Variants in DLX2 observed in about 807,000 individuals in gnomAD.
The protein encoded by DLX2 is homeobox protein DLX-2.
DLX2 carries 8 observed loss-of-function variants against 27.4 expected under a neutral mutation model. The observed-to-expected ratio is 0.29, with a 90% CI of 0.17 to 0.53. DLX2 has a LOEUF of 0.53. DLX2 is among the 20% of genes least tolerant of loss of function. The probability of loss-of-function intolerance (pLI) is 0.96; values close to 1 mark genes in which losing one functional copy is unlikely to be tolerated. For synonymous variants in DLX2, 210 were observed against 200.8 expected (o/e 1.05, Z -0.39); for missense variants, 421 against 450.9 (o/e 0.93, Z 0.60).
chr2:172,102,212 G>A lies in DLX2; in HGVS notation c.327C>T (p.Asp109=). The A allele has an allele frequency of 6.2e-7, 1 of 1,613,512 alleles. No individual in the cohort carries two copies. The highest frequency in any genetic ancestry group is 8.5e-7 in the Non-Finnish European group (1 of 1,179,800). Residue 109 remains aspartate (D), a synonymous_variant, in exon 1 of 3, where the codon GAC becomes GAT. Transcript: ENST00000234198. Reference sequence around the variant, plus strand: ...AGGTGTAGGCGGCGGTGTAGCCCAGGTCATAGCTGCTCTTGGCGGAGTAAG... The same window carrying A: ...AGGTGTAGGCGGCGGTGTAGCCCAGATCATAGCTGCTCTTGGCGGAGTAAG... The part of the protein sequence containing the change: ...NVPYSAKSSY[D]LGYTAAYTSY...
Position 172,102,292 on chromosome 2 carries a change from G to GCGAGC in DLX2, c.242_246dup (p.Pro83AlafsTer64). ...TGGTAGGAACCCATGTGCGCGTAGG[G>GCGAGC]CGAGCCCCCGCCGCCGCCGCCGCCC... On this transcript the variant is annotated frameshift_variant, in exon 1 of 3. Coordinates refer to ENST00000234198, the MANE Select transcript of DLX2 (RefSeq NM_004405.4). LOFTEE classifies it high-confidence loss of function. 1.2e-6 allele frequency: 2 copies of GCGAGC among 1,609,768 alleles called. No individual in the cohort carries two copies. Among genetic ancestry groups the GCGAGC allele is most frequent in the Non-Finnish European group, 1.7e-6 (2 of 1,178,416 alleles).
In DLX2 at chr2:172,101,632, C is replaced by G; in HGVS notation, c.415G>C (p.Glu139Gln). 1.2e-6 allele frequency: 2 copies of G among 1,614,192 alleles called. No homozygotes were observed. The highest frequency in any genetic ancestry group is 1.7e-6 in the Non-Finnish European group (2 of 1,180,022). Reference sequence around the variant, plus strand: ...CCGTTCACTATCCGAATTTCAGGCTCAAGGTCCTCCTTCTCTGCAACGATA... The same window carrying G: ...CCGTTCACTATCCGAATTTCAGGCTGAAGGTCCTCCTTCTCTGCAACGATA... ...ANNEPEKEDL[E>Q]PEIRIVNGKP... is the part of the protein sequence containing the mutation. Residue 139 changes from glutamate (E) to glutamine (Q), a missense_variant, in exon 2 of 3, where the codon GAG (glutamate) becomes CAG (glutamine). Physicochemically the swap from Glu to Gln is conservative, Grantham distance 29. This residue lies in a region of DLX2 where 141 missense variants were observed against 123.5 expected (regional missense o/e 1.14). Transcript: ENST00000234198.
intron 1 of DLX2, 66 bp from the exon 2 acceptor site, chr2:172,101,712 GGGCCC>G: frequency 6.6e-7 from 1 of 1,508,354 alleles, no homozygotes; most frequent in Non-Finnish European, 9.0e-7. Context: ...CCCTCCTAGA[GGGCCC>G]GGCGGGGGGG....
At chr2:172,101,263 C>G (rs544307905) in intron 2 of DLX2, 199 bp downstream of exon 2, 62 of 665,364 alleles carry the variant, frequency 9.3e-5, no homozygotes, top group African/African-American at 8.2e-4. Flanking sequence ...CACCCGGTCC[C>G]TTTCCTTCCC....
In DLX2 at chr2:172,100,672, G is replaced by C. The variant is rs1241915347; in HGVS notation, c.858C>G (p.Thr286=). 6.4e-7 allele frequency: 1 copy of C among 1,562,582 alleles called. No homozygotes were observed. Among genetic ancestry groups the C allele is most frequent in the Non-Finnish European group, 8.6e-7 (1 of 1,162,112 alleles). ...CCTGCAGGTGTGAGGCGGATCCCGA[G>C]GTCTGGTGGTACCAGGGGTAGTTGC... ...FLGNYPWYHQ[T]SGSASHLQAT... The change falls in exon 3 of 3, where the codon ACC becomes ACG. Residue 286 remains threonine (T), a synonymous_variant. Coordinates refer to ENST00000234198, the MANE Select transcript of DLX2 (RefSeq NM_004405.4). The surrounding 1 kb of genome is among the most constrained non-coding windows in gnomAD (Gnocchi z 4.5).
In DLX2 at chr2:172,101,657, A is replaced by G; in HGVS notation, c.401-11T>C. 6.2e-7 allele frequency: 1 copy of G among 1,613,510 alleles called. No homozygotes were observed. Among genetic ancestry groups the G allele is most frequent in the Middle Eastern group, 1.7e-4 (1 of 6,022 alleles). On this transcript the variant is annotated splice_polypyrimidine_tract_variant and intron_variant, in intron 1 of 2. Coordinates refer to ENST00000234198, the MANE Select transcript of DLX2 (RefSeq NM_004405.4). ...CAAGGTCCTCCTTCTCTGCAACGAT[A>G]AAGAATCGTAAGAACAGCGCAACCC...
rs1272016877 is a variant in DLX2 at position 172,100,720 on chromosome 2, G to A, written c.810C>T (p.Ser270=). ...SGAGSSGSSP[S]SAASAFLGNY... ...TGCCCAGAAAAGCCGAGGCCGCGCT[G>A]CTCGGGCTGGAGCCCGAGCTGCCGG... Residue 270 remains serine (S), a synonymous_variant, in exon 3 of 3, where the codon AGC becomes AGT. Coordinates refer to ENST00000234198, the MANE Select transcript of DLX2 (RefSeq NM_004405.4). This position sits in a 1 kb window ranked among gnomAD's most constrained non-coding sequence, Gnocchi z 4.5. 2.0e-6 allele frequency: 3 copies of A among 1,531,512 alleles called. No homozygotes were observed. Among genetic ancestry groups the A allele is most frequent in the East Asian group, 2.4e-5 (1 of 41,498 alleles). 94.9% of individuals were successfully genotyped at this position (1,531,512 alleles called of 1,614,324 possible). A position where few individuals can be genotyped will look rare whatever the true frequency, so the allele number is the denominator to read the frequency against.
At chr2:172,101,083 A>G in intron 2 of DLX2, 139 bp from the exon 3 acceptor site, 1 of 939,932 alleles carries the variant, frequency 1.1e-6, no homozygotes, top group South Asian at 1.6e-5. Context: ...TAAGAGGATC[A>G]CGGGCGGCGG....
intron 1 of DLX2, 74 bp from the exon 2 acceptor site, chr2:172,101,720 C>A (rs145477323): frequency 2.0e-6 from 3 of 1,491,460 alleles, no homozygotes; most frequent in Non-Finnish European, 2.7e-6. Context: ...GAGGGCCCGG[C>A]GGGGGGGACT....
In DLX2 at chr2:172,101,458, C is replaced by T. The variant is rs752165542; in HGVS notation, c.585+4G>A. The T allele has an allele frequency of 1.3e-6, 2 of 1,596,728 alleles. No homozygotes were observed. The highest frequency in any genetic ancestry group is 2.2e-5 in the South Asian group (2 of 89,362). On this transcript the variant is annotated splice_donor_region_variant and intron_variant, in intron 2 of 2. Coordinates refer to ENST00000234198, the MANE Select transcript of DLX2 (RefSeq NM_004405.4). Reference sequence around the variant, plus strand: ...TCCTCGCCCCTGCAGGGCGCGAGCCCCACCTGAGTCTGGGTGAGGCCCAGA... The same window carrying T: ...TCCTCGCCCCTGCAGGGCGCGAGCCTCACCTGAGTCTGGGTGAGGCCCAGA...
At position 172,102,597 on chromosome 2, in the gene DLX2, C is replaced by T. The variant is rs1292835692; in HGVS notation, c.-59G>A. 6 of 1,442,284 alleles carry T rather than the reference C, an allele frequency of 4.2e-6. No homozygotes were observed. The African/African-American group carries it at 8.7e-5, about 21-fold the overall frequency. 89.3% of individuals were successfully genotyped at this position (1,442,284 alleles called of 1,614,324 possible). On this transcript the variant is annotated 5_prime_UTR_variant, in exon 1 of 3. Transcript: ENST00000234198. Reference sequence around the variant, plus strand: ...GGCGTGCGGGGGAAGCCAGGCGCCTCCTCTGTCTCTCCCGGTCCCCTCCAG... The same window carrying T: ...GGCGTGCGGGGGAAGCCAGGCGCCTTCTCTGTCTCTCCCGGTCCCCTCCAG...
rs989594559 is a variant in DLX2, at chr2:172,100,591, G to T, written c.939C>A (p.His313Gln). 2 of 1,574,936 alleles carry T rather than the reference G, an allele frequency of 1.3e-6. No individual in the cohort carries two copies. The highest frequency in any genetic ancestry group is 1.4e-5 in the African/African-American group (1 of 71,234). ...TQTPQPHHHH[H>Q]HHGGGGAPVS... ...CCGGGGCGCCCCCGCCGCCGTGATG[G>T]TGGTGGTGGTGATGCGGCTGCGGGG... The change falls in exon 3 of 3, where the codon CAC (histidine) becomes CAA (glutamine). Residue 313 changes from histidine to glutamine, a missense_variant. His to Gln is a conservative substitution (Grantham distance 24). This residue lies in a region of DLX2 where 185 missense variants were observed against 171.1 expected (regional missense o/e 1.08). Coordinates refer to ENST00000234198, the MANE Select transcript of DLX2 (RefSeq NM_004405.4). This position sits in a 1 kb window ranked among gnomAD's most constrained non-coding sequence, Gnocchi z 4.5.
At chr2:172,101,162 C>T in intron 2 of DLX2, 1 of 623,836 alleles carries the variant, frequency 1.6e-6, no homozygotes, top group Middle Eastern at 4.3e-4. Flanking sequence ...TGCTGGTGTA[C>T]GTGCACTGTG....
chr2:172,101,162 C>A (rs1691149889), intron 2 of DLX2: 5 of 623,838 alleles, frequency 8.0e-6, no homozygotes, highest in East Asian at 2.8e-5. Context: ...TGCTGGTGTA[C>A]GTGCACTGTG....
chr2:172,100,932 A>G lies in DLX2; in HGVS notation c.598T>C (p.Phe200Leu). 1 of 1,612,494 alleles carries G rather than the reference A, an allele frequency of 6.2e-7. No homozygotes were observed. Among genetic ancestry groups the G allele is most frequent in the Non-Finnish European group, 8.5e-7 (1 of 1,179,762 alleles). ...TTGAACTTGGACCGGCGGTTCTGGA[A>G]CCAGATTTTGACCTTTGAGGAAAAA... ...GLTQTQVKIW[F>L]QNRRSKFKKM... Residue 200 changes from phenylalanine (F) to leucine (L), a missense_variant, in exon 3 of 3, where the codon TTC (phenylalanine) becomes CTC (leucine). This residue lies in a region of DLX2 where 36 missense variants were observed against 73.6 expected (regional missense o/e 0.49). Coordinates refer to ENST00000234198, the MANE Select transcript of DLX2 (RefSeq NM_004405.4). This position sits in a 1 kb window ranked among gnomAD's most constrained non-coding sequence, Gnocchi z 4.5.
rs1691160268 is a variant in DLX2 at position 172,101,666 on chromosome 2, T to C, written c.401-20A>G. 1.2e-6 allele frequency: 2 copies of C among 1,611,870 alleles called. No individual in the cohort carries two copies. Among genetic ancestry groups the C allele is most frequent in the Non-Finnish European group, 1.7e-6 (2 of 1,179,244 alleles). ...CCTTCTCTGCAACGATAAAGAATCG[T>C]AAGAACAGCGCAACCCAGGGGTCCT... is the stretch of plus-strand genomic sequence containing the variant. On this transcript the variant is annotated intron_variant, in intron 1 of 2. Coordinates refer to ENST00000234198, the MANE Select transcript of DLX2 (RefSeq NM_004405.4).
rs113166282 is a variant in DLX2 at position 172,099,677 on chromosome 2, G to T, written c.*866C>A. ...TAAACTGCAGTTTTCACAACTGGGGGTTTACAAAAAAGTCTGAAAAGATGA... is the reference window on the plus strand; with the variant it reads ...TAAACTGCAGTTTTCACAACTGGGGTTTTACAAAAAAGTCTGAAAAGATGA... On this transcript the variant is annotated 3_prime_UTR_variant, in exon 3 of 3. Transcript: ENST00000234198. The T allele has an allele frequency of 9.8e-3, 1,493 of 152,606 alleles. 7 individuals are homozygous for T. Among genetic ancestry groups the T allele is most frequent in the Non-Finnish European group, 0.014 (973 of 68,014 alleles). 9.5% of individuals were successfully genotyped at this position (152,606 alleles called of 1,614,324 possible).
Position 172,102,501 on chromosome 2 carries a change from T to C in DLX2, c.38A>G (p.His13Arg). The change falls in exon 1 of 3, where the codon CAC becomes CGC. Residue 13 changes from histidine to arginine, a missense_variant. By Grantham distance (29) the His-to-Arg change is conservative. Around this residue, in one of 5 missense-constraint regions of DLX2, gnomAD observed 53 missense variants for 59.5 expected, o/e 0.89. Coordinates refer to ENST00000234198, the MANE Select transcript of DLX2 (RefSeq NM_004405.4). ...GCTGGAGGCGGCGATCTGGGTCGAG[T>C]GCATATCAGCCACTAGACTGTCAAA... is the stretch of plus-strand genomic sequence containing the variant. ...GVFDSLVADMHSTQIAASSTY... is the reference protein window; with the variant it reads ...GVFDSLVADMRSTQIAASSTY... 1 of 1,548,078 alleles carries C rather than the reference T, an allele frequency of 6.5e-7. No individual in the cohort carries two copies. The highest frequency in any genetic ancestry group is 2.4e-5 in the East Asian group (1 of 40,872).
At position 172,100,787 on chromosome 2, in the gene DLX2, C is replaced by A. The variant is rs765688493; in HGVS notation, c.743G>T (p.Arg248Leu). 6.3e-7 allele frequency: 1 copy of A among 1,593,050 alleles called. No individual in the cohort carries two copies. Residue 248 changes from arginine (R) to leucine (L), a missense_variant, in exon 3 of 3, where the codon CGG becomes CTG. By Grantham distance (102) the Arg-to-Leu change is moderately radical. This residue lies in a region of DLX2 where 185 missense variants were observed against 171.1 expected (regional missense o/e 1.08). Transcript: ENST00000234198. The surrounding 1 kb of genome is among the most constrained non-coding windows in gnomAD (Gnocchi z 4.5). ...PASWDFGVPQ[R>L]MAGGGGPGSG... is the part of the protein sequence containing the mutation. ...GCCCGGACCACCGCCGCCCGCCATC[C>A]GCTGCGGCACACCAAAGTCCCAGGA...
Sources: allele counts gnomAD v4.1 joint callset, GRCh38; gene constraint gnomAD v4.1.1; regional missense constraint gnomAD v4.1.1; non-coding constraint Gnocchi (gnomAD v3.1); transcripts MANE v1.5; gene names NCBI Gene and HGNC (gene_info 2026-07-23, HGNC 2026-07-21).